Variants in ALDH1L2 observed in about 807,000 individuals in gnomAD.
ALDH1L2 encodes the protein aldehyde dehydrogenase 1 family member L2.
Under a neutral mutation model 111.0 loss-of-function variants are expected in ALDH1L2, and 91 were observed. That is an observed-to-expected ratio of 0.82 (90% CI 0.69 to 0.98). ALDH1L2 has a LOEUF of 0.98. Among genes scored for constraint, ALDH1L2 ranks in the 50% least tolerant of loss-of-function variants. ALDH1L2 has a pLI of 0.00. For missense variants in ALDH1L2, 995 were observed against 1,126.8 expected (o/e 0.88, Z 1.67); for synonymous variants, 374 against 392.6 (o/e 0.95, Z 0.56).
At chr12:105,055,100 A>G (rs1423039400) in intron 10 of ALDH1L2, among the ~76,000 whole-genome samples, 1 of 152,230 alleles carries the variant, frequency 6.6e-6, no homozygotes, top group East Asian at 1.9e-4. Context: ...GCATGTGCCC[A>G]GAAAAGACCT....
At chr12:105,075,356 G>A (rs542988475) in intron 1 of ALDH1L2, among the ~76,000 whole-genome samples, 18 of 152,310 alleles carry the variant, frequency 1.2e-4, no homozygotes, top group Admixed American at 3.3e-4. Flanking sequence ...AGGCTGAGGC[G>A]GGTGAATCAC....
At chr12:105,033,180 C>G (rs190351201) in intron 19 of ALDH1L2, among the ~76,000 whole-genome samples, 81 of 152,304 alleles carry the variant, frequency 5.3e-4, no homozygotes, top group African/African-American at 1.8e-3. Context: ...CTGCCTTGTT[C>G]ACATTTATAT....
intron 1 of ALDH1L2, among the ~76,000 whole-genome samples, chr12:105,078,061 C>G (rs565038862): frequency 9.1e-4 from 137 of 150,580 alleles, no homozygotes; most frequent in African/African-American, 3.0e-3. Flanking sequence ...GGCTTTGCCA[C>G]ACTCTGGGCG....
chr12:105,046,229 T>A (rs1370425029), intron 15 of ALDH1L2, among the ~76,000 whole-genome samples: 164 of 103,486 alleles, frequency 1.6e-3, no homozygotes, highest in East Asian at 6.5e-3. Context: ...ATATTTTTTT[T>A]TTTTTTTTTT....
At chr12:105,034,515 C>A in intron 18 of ALDH1L2, 117 bp from the exon 19 acceptor site, 1 of 788,164 alleles carries the variant, frequency 1.3e-6, no homozygotes, top group South Asian at 1.6e-5. Flanking sequence ...ATAGATAAGT[C>A]ACAGACAATC....
At chr12:105,081,771 C>A (rs1388851833) in intron 1 of ALDH1L2, among the ~76,000 whole-genome samples, 2 of 152,202 alleles carry the variant, frequency 1.3e-5, no homozygotes, top group African/African-American at 4.8e-5. Flanking sequence ...TGAATTCTAT[C>A]AAGAAGTGTT....
chr12:105,068,739 GA>G lies in ALDH1L2; in HGVS notation c.573del (p.Pro192LeufsTer8). The G allele has an allele frequency of 1.3e-6, 2 of 1,545,524 alleles. No homozygotes were observed. Among genetic ancestry groups the G allele is most frequent in the Non-Finnish European group, 1.7e-6 (2 of 1,146,950 alleles). ...CTAACCATGGCCTTGATTCCTTCAG[GA>G]AAAAGAAACCGATTATAAAGTGCAT... ...TVDALYNRFL[F>X]PEGIKAMVEA... On this transcript the variant is annotated frameshift_variant, in exon 4 of 23. Transcript: ENST00000258494. LOFTEE classifies it high-confidence loss of function.
At chr12:105,062,497 T>G (rs1179712613) in intron 7 of ALDH1L2, among the ~76,000 whole-genome samples, 2 of 152,158 alleles carry the variant, frequency 1.3e-5, no homozygotes, top group African/African-American at 4.8e-5. Flanking sequence ...GTCTGGTGGA[T>G]CAGTGGCAAG....
At chr12:105,075,245 G>A (rs1290444891) in intron 1 of ALDH1L2, among the ~76,000 whole-genome samples, 2 of 152,324 alleles carry the variant, frequency 1.3e-5, no homozygotes, top group East Asian at 3.9e-4. Flanking sequence ...TGGTTATTTG[G>A]AGTTCAATTC....
At chr12:105,034,081 T>A (rs1428642576) in intron 19 of ALDH1L2, among the ~76,000 whole-genome samples, 1 of 152,222 alleles carries the variant, frequency 6.6e-6, no homozygotes, top group Admixed American at 6.5e-5. Context: ...TCATTTCCTG[T>A]CCTGCGGGGT....
At position 105,064,114 on chromosome 12, in the gene ALDH1L2, C is replaced by CTTTTTTTTTTTTT. The variant is rs71069786; in HGVS notation, c.787-1105_787-1093dup. On this transcript the variant is annotated intron_variant, in intron 6 of 22. Coordinates refer to ENST00000258494, the MANE Select transcript of ALDH1L2 (RefSeq NM_001034173.4). Reference sequence around the variant, plus strand: ...TACAGGCACATGCCACCACACCGAGCTTTTTTTTTTTTTTTTTTTTTTTTT... The same window carrying CTTTTTTTTTTTTT: ...TACAGGCACATGCCACCACACCGAGCTTTTTTTTTTTTTTTTTTTTTTTTTTTTTTTTTTTTTT... Among the ~76,000 whole-genome samples the CTTTTTTTTTTTTT allele has an allele frequency of 6.3e-4, 22 of 35,124 alleles. 4 individuals are homozygous for CTTTTTTTTTTTTT. The highest frequency in any genetic ancestry group is 2.2e-3 in the East Asian group (2 of 898). The allele number at this position is 35,124 out of a possible 152,430, so 23.0% of individuals were successfully genotyped here.
chr12:105,058,298 GT>G, intron 9 of ALDH1L2, 78 bp from the exon 10 acceptor site: 3 of 1,467,508 alleles, frequency 2.0e-6, no homozygotes, highest in Non-Finnish European at 2.7e-6. Context: ...CACTTGTCAA[GT>G]TGTTTTGAGG....
At chr12:105,036,773 GT>G (rs1386095177) in intron 18 of ALDH1L2, among the ~76,000 whole-genome samples, 6 of 151,344 alleles carry the variant, frequency 4.0e-5, no homozygotes, top group Non-Finnish European at 8.8e-5. Flanking sequence ...ACAAAAATAT[GT>G]TGACTGTCTT....
chr12:105,037,210 AT>A (rs56917349), intron 18 of ALDH1L2, among the ~76,000 whole-genome samples: 30,025 of 151,948 alleles, frequency 0.2, 3,805 homozygotes, highest in East Asian at 0.41. Flanking sequence ...AACTAGGCCA[AT>A]TTTTTTTAAC....
chr12:105,061,105 GC>G, intron 8 of ALDH1L2, 33 bp from the exon 9 acceptor site: 1 of 1,572,198 alleles, frequency 6.4e-7, no homozygotes, highest in Non-Finnish European at 8.8e-7. Flanking sequence ...TGAGGGAAGT[GC>G]CACGTAGAAC....
chr12:105,060,023 C>T (rs1321994551), intron 9 of ALDH1L2, among the ~76,000 whole-genome samples: 1 of 152,172 alleles, frequency 6.6e-6, no homozygotes, highest in Non-Finnish European at 1.5e-5. Context: ...GTCCAGTTTC[C>T]TTGCGATAGA....
rs1874238590 is a variant in ALDH1L2, at chr12:105,023,136, T to C, written c.*1288A>G. ...TGTTAAGTGCATTATGTATATTATC[T>C]CACTGAATCCTTGCAACACCTACTG... On this transcript the variant is annotated 3_prime_UTR_variant, in exon 23 of 23. Transcript: ENST00000258494. 6.6e-6 allele frequency: 1 copy of C among 152,224 alleles called. No individual in the cohort carries two copies. 9.4% of individuals were successfully genotyped at this position (152,224 alleles called of 1,614,324 possible).
At chr12:105,032,522 A>G (rs529974047) in intron 19 of ALDH1L2, among the ~76,000 whole-genome samples, 11 of 151,954 alleles carry the variant, frequency 7.2e-5, no homozygotes, top group Non-Finnish European at 1.3e-4. Flanking sequence ...TACAGGCGTG[A>G]GCCACCGCGC....
rs138563981 is a variant in ALDH1L2 at position 105,075,509 on chromosome 12, C to T, written c.49-1504G>A. ...CTGAGGTAGGAAAATTGCTTGAACC[C>T]GGGAGATAGAGGTTGCAGTGAGCTG... On this transcript the variant is annotated intron_variant, in intron 1 of 22. Coordinates refer to ENST00000258494, the MANE Select transcript of ALDH1L2 (RefSeq NM_001034173.4). 4.6e-3 allele frequency among the ~76,000 whole-genome samples: 696 copies of T among 152,242 alleles called. 21 individuals carry two copies. The East Asian group carries it at 0.08, about 17-fold the overall frequency.
Sources: allele counts gnomAD v4.1 joint callset (sites outside exome capture counted in the v4.1 genomes callset), GRCh38; gene constraint gnomAD v4.1.1; transcripts MANE v1.5; gene names NCBI Gene and HGNC (gene_info 2026-07-23, HGNC 2026-07-21).